The following CAMTA1 variants were observed in gnomAD, a reference collection of about 807,000 sequenced individuals.
CAMTA1 encodes the protein calmodulin binding transcription activator 1, also known as calmodulin-binding transcription activator 1.
A neutral mutation model predicts 170.9 loss-of-function variants in CAMTA1; 27 were observed. The observed-to-expected ratio is 0.16, with a 90% CI of 0.12 to 0.22. The LOEUF (loss-of-function observed/expected upper bound fraction) is 0.22. Among genes scored for constraint, CAMTA1 ranks in the 10% least tolerant of loss-of-function variants. CAMTA1 has a pLI of 1.00. For synonymous variants in CAMTA1, 833 were observed against 891.5 expected (o/e 0.93, Z 1.17); for missense variants, 1,619 against 2,217.2 (o/e 0.73, Z 5.42).
chr1:7,323,757 T>C (rs531418366), intron 5 of CAMTA1, among the ~76,000 whole-genome samples: 1 of 152,334 alleles, frequency 6.6e-6, no homozygotes, highest in South Asian at 2.1e-4. Context: ...TGTCTTCTTT[T>C]GTTCACCGTT....
At position 7,325,727 on chromosome 1, in the gene CAMTA1, G is replaced by A. The variant is rs920547892; in HGVS notation, c.438+76101G>A. 2.0e-5 allele frequency among the ~76,000 whole-genome samples: 3 copies of A among 152,222 alleles called. No homozygotes were observed. Among genetic ancestry groups the A allele is most frequent in the African/African-American group, 7.2e-5 (3 of 41,472 alleles). On this transcript the variant is annotated intron_variant, in intron 5 of 22. Coordinates refer to ENST00000303635, the MANE Select transcript of CAMTA1 (RefSeq NM_015215.4). The surrounding 1 kb of genome is among the most constrained non-coding windows in gnomAD (Gnocchi z 5.0). ...TATAAGAGAAGCAGTTTTGGAGGAA[G>A]CATGGGAGATCTGCTGTGGACATAC...
intron 6 of CAMTA1, among the ~76,000 whole-genome samples, chr1:7,528,858 A>C (rs2094460117): frequency 6.6e-6 from 1 of 152,160 alleles, no homozygotes; most frequent in African/African-American, 2.4e-5. Flanking sequence ...ATGAAGAATA[A>C]TTATGCTGTA....
chr1:7,665,280 G>GCAGCCACAGGC lies in CAMTA1; in HGVS notation c.2652+81_2652+82insCAGCCACAGGC. On this transcript the variant is annotated intron_variant, in intron 9 of 22. Transcript: ENST00000303635. The surrounding 1 kb of genome is among the most constrained non-coding windows in gnomAD (Gnocchi z 4.3). ...CCCCTGCGCCACCCTGCAGCTAAGGGATGCCTGTGGCTGCCCTTCAGAGGA... is the reference window on the plus strand; with the variant it reads ...CCCCTGCGCCACCCTGCAGCTAAGGGCAGCCACAGGCATGCCTGTGGCTGCCCTTCAGAGGA... The GCAGCCACAGGC allele has an allele frequency of 2.5e-6, 3 of 1,219,340 alleles. No individual in the cohort carries two copies. Among genetic ancestry groups the GCAGCCACAGGC allele is most frequent in the Non-Finnish European group, 3.2e-6 (3 of 926,194 alleles). The allele number at this position is 1,219,340 out of a possible 1,614,324, so 75.5% of individuals were successfully genotyped here.
At chr1:7,704,522 C>A (rs1415786318) in intron 11 of CAMTA1, among the ~76,000 whole-genome samples, 1 of 147,780 alleles carries the variant, frequency 6.8e-6, no homozygotes, top group African/African-American at 2.4e-5. Context: ...CGGCCGGGCC[C>A]CCGCCGTCCA....
chr1:7,276,913 A>C (rs1013657881), intron 5 of CAMTA1, among the ~76,000 whole-genome samples: 18 of 152,392 alleles, frequency 1.2e-4, no homozygotes, highest in African/African-American at 4.3e-4. Context: ...ATATTTTCAC[A>C]TATTTGCAAT....
At chr1:7,472,270 T>C (rs556079585) in intron 6 of CAMTA1, among the ~76,000 whole-genome samples, 2 of 152,234 alleles carry the variant, frequency 1.3e-5, no homozygotes, top group Non-Finnish European at 2.9e-5. Context: ...CCCACATCAC[T>C]GGAACAGGCA....
chr1:7,486,208 G>A (rs974442040), intron 6 of CAMTA1, among the ~76,000 whole-genome samples: 1 of 152,222 alleles, frequency 6.6e-6, no homozygotes, highest in Non-Finnish European at 1.5e-5. Context: ...TGCTGGAAAT[G>A]CCTAACAGTT....
chr1:7,449,785 A>AAG lies in CAMTA1; in HGVS notation c.439-18044_439-18043insGA, dbSNP rs1553168525. ...ACTCGGTCTCAAAAAAAAAAAAAAAAAAAGAAAGAAAGAAAAAAGAAAAGA... is the reference window on the plus strand; with the variant it reads ...ACTCGGTCTCAAAAAAAAAAAAAAAAAGAAAGAAAGAAAGAAAAAAGAAAAGA... On this transcript the variant is annotated intron_variant, in intron 5 of 22. Coordinates refer to ENST00000303635, the MANE Select transcript of CAMTA1 (RefSeq NM_015215.4). Among the ~76,000 whole-genome samples the AAG allele has an allele frequency of 3.5e-3, 532 of 150,668 alleles. 2 individuals are homozygous for AAG. Among genetic ancestry groups the AAG allele is most frequent in the African/African-American group, 0.012 (496 of 40,876 alleles).
intron 10 of CAMTA1, chr1:7,672,121 G>T (rs1250019091): frequency 2.2e-6 from 1 of 453,726 alleles, no homozygotes; most frequent in East Asian, 7.0e-5. Context: ...ATGCAGGGGT[G>T]CGGAACGGCA....
At chr1:7,507,839 TCCA>T (rs1452936035) in intron 6 of CAMTA1, among the ~76,000 whole-genome samples, 1 of 152,114 alleles carries the variant, frequency 6.6e-6, no homozygotes, top group Non-Finnish European at 1.5e-5. Flanking sequence ...CTAACAAGCC[TCCA>T]CCCCACCTCC....
chr1:7,437,313 C>A (rs968118663), intron 5 of CAMTA1, among the ~76,000 whole-genome samples: 1 of 152,194 alleles, frequency 6.6e-6, no homozygotes, highest in Admixed American at 6.5e-5. Flanking sequence ...CATCCTGCCA[C>A]CCTGGAGGCT....
chr1:7,116,191 G>A (rs970052939), intron 4 of CAMTA1, among the ~76,000 whole-genome samples: 2 of 151,968 alleles, frequency 1.3e-5, no homozygotes, highest in East Asian at 1.9e-4. Flanking sequence ...ATCTCTTGAC[G>A]GGTAACCTCC....
chr1:7,654,964 CCACCTATACACACA>C (rs1232248059), intron 7 of CAMTA1, among the ~76,000 whole-genome samples: 41 of 139,208 alleles, frequency 2.9e-4, no homozygotes, highest in African/African-American at 9.4e-4. Context: ...ACAAACACAC[CCACCTATACACACA>C]CACCTATACA....
chr1:7,207,716 C>T (rs766434384), intron 4 of CAMTA1, among the ~76,000 whole-genome samples: 1 of 152,168 alleles, frequency 6.6e-6, no homozygotes, highest in Non-Finnish European at 1.5e-5. Context: ...CGGCTCTGTG[C>T]TTCTCCATAT....
chr1:7,301,058 A>G (rs2149550459), intron 5 of CAMTA1, among the ~76,000 whole-genome samples: 1 of 152,324 alleles, frequency 6.6e-6, no homozygotes, highest in South Asian at 2.1e-4. Flanking sequence ...GAGCTTATGC[A>G]GAAAATCTTC....
intron 22 of CAMTA1, among the ~76,000 whole-genome samples, chr1:7,765,822 C>T (rs780071594): frequency 1.3e-5 from 2 of 152,008 alleles, no homozygotes; most frequent in African/African-American, 2.4e-5. Context: ...GTCAGGAGAT[C>T]GAAACCATCC....
Position 7,641,437 on chromosome 1 carries a change from G to C in CAMTA1, c.664+884G>C, listed in dbSNP as rs2095759961. On this transcript the variant is annotated intron_variant, in intron 7 of 22. Coordinates refer to ENST00000303635, the MANE Select transcript of CAMTA1 (RefSeq NM_015215.4). The surrounding 1 kb of genome is among the most constrained non-coding windows in gnomAD (Gnocchi z 4.5). ...GCTGGGCTGGAGGGAGGAAGCAGCT[G>C]TTGGTCACCATATACAGCGGGGGGA... Among the ~76,000 whole-genome samples the C allele has an allele frequency of 6.6e-6, 1 of 152,196 alleles. No homozygotes were observed. Among genetic ancestry groups the C allele is most frequent in the African/African-American group, 2.4e-5 (1 of 41,460 alleles).
intron 6 of CAMTA1, among the ~76,000 whole-genome samples, chr1:7,575,258 G>A (rs1435878250): frequency 6.6e-6 from 1 of 152,160 alleles, no homozygotes; most frequent in Admixed American, 6.5e-5. Context: ...TCAGTAGCCT[G>A]AGCTGTGCCT....
intron 3 of CAMTA1, among the ~76,000 whole-genome samples, chr1:6,894,210 T>C (rs1047693521): frequency 2.0e-5 from 3 of 152,230 alleles, no homozygotes; most frequent in Non-Finnish European, 2.9e-5. Flanking sequence ...GAGTAGGTTT[T>C]GCATTTTAGG....
Sources: gnomAD v4.1 joint callset for allele counts (sites outside exome capture counted in the v4.1 genomes callset) on GRCh38, gnomAD v4.1.1 for gene constraint, Gnocchi (gnomAD v3.1) non-coding constraint, MANE v1.5 for transcripts, NCBI Gene and HGNC (gene_info 2026-07-23, HGNC 2026-07-21) for gene names.